Variants in GALNT10 observed in about 807,000 individuals in gnomAD.
GALNT10 encodes polypeptide N-acetylgalactosaminyltransferase 10, also known as GalNAc transferase 10.
GALNT10 carries 41 observed loss-of-function variants against 75.0 expected under a neutral mutation model. That is an observed-to-expected ratio of 0.55 (90% CI 0.43 to 0.71). The LOEUF is 0.71. Among genes scored for constraint, GALNT10 ranks in the 30% least tolerant of loss-of-function variants. The probability of loss-of-function intolerance (pLI) is 0.00; values close to 1 mark genes in which losing one functional copy is unlikely to be tolerated. For synonymous variants in GALNT10, 302 were observed against 313.0 expected, an observed-to-expected ratio of 0.96 and a Z score of 0.37; for missense variants, 727 against 818.5, an observed-to-expected ratio of 0.89 and a Z score of 1.36.
rs1451472348 is a variant in GALNT10 at position 154,191,009 on chromosome 5, C to A, written c.143C>A (p.Ala48Glu). 4 of 1,468,876 alleles carry A rather than the reference C, an allele frequency of 2.7e-6. No individual in the cohort carries two copies. Among genetic ancestry groups the A allele is most frequent in the East Asian group, 5.4e-5 (2 of 36,892 alleles). The allele number at this position is 1,468,876 out of a possible 1,614,324, so 91.0% of individuals were successfully genotyped here. A position where few individuals can be genotyped will look rare whatever the true frequency, so the allele number is the denominator to read the frequency against. The change falls in exon 1 of 12, where the codon GCG becomes GAG. Residue 48 changes from alanine to glutamate, a missense_variant. Physicochemically the swap from Ala to Glu is moderately radical, Grantham distance 107 (BLOSUM62 -1). Transcript: ENST00000297107. ...GTPGGSGAAV[A>E]PAAGQGSHSR... Reference sequence around the variant, plus strand: ...CCTGGGGGATCGGGGGCGGCGGTGGCGCCGGCGGCGGGACAGGTGAGTCCC... The same window carrying A: ...CCTGGGGGATCGGGGGCGGCGGTGGAGCCGGCGGCGGGACAGGTGAGTCCC...
At chr5:154,328,694 C>G (rs1754796886) in intron 3 of GALNT10, among the ~76,000 whole-genome samples, 1 of 152,196 alleles carries the variant, frequency 6.6e-6, no homozygotes, top group African/African-American at 2.4e-5. Flanking sequence ...ATGCCATTTG[C>G]AAATCCAGAC....
intron 3 of GALNT10, among the ~76,000 whole-genome samples, chr5:154,325,628 A>C (rs1754745260): frequency 7.0e-6 from 1 of 142,640 alleles, no homozygotes; most frequent in African/African-American, 3.0e-5. Context: ...ATCTCAGTAG[A>C]TGCAAAAAAA....
intron 1 of GALNT10, among the ~76,000 whole-genome samples, chr5:154,213,053 T>C (rs1752795159): frequency 6.6e-6 from 1 of 152,092 alleles, no homozygotes; most frequent in South Asian, 2.1e-4. Context: ...TTTGAGCAGG[T>C]GACTTTAACC....
chr5:154,297,472 T>G (rs1357420510), intron 2 of GALNT10, among the ~76,000 whole-genome samples: 2 of 152,232 alleles, frequency 1.3e-5, no homozygotes, highest in Admixed American at 1.3e-4. Context: ...CTCATTTGAC[T>G]CTTTCAAGTG....
intron 3 of GALNT10, among the ~76,000 whole-genome samples, chr5:154,300,725 CA>C (rs1754345722): frequency 1.3e-5 from 2 of 152,162 alleles, no homozygotes; most frequent in African/African-American, 4.8e-5. Context: ...CACTCTTCTG[CA>C]AGGGGTGGGG....
intron 1 of GALNT10, among the ~76,000 whole-genome samples, chr5:154,197,440 G>C (rs1323338169): frequency 2.0e-5 from 3 of 152,144 alleles, no homozygotes; most frequent in African/African-American, 7.2e-5. Context: ...GCTTGCTGTG[G>C]TGGGTGGGTG....
intron 5 of GALNT10, among the ~76,000 whole-genome samples, chr5:154,378,474 G>A (rs1755689861): frequency 6.6e-6 from 1 of 152,214 alleles, no homozygotes; most frequent in African/African-American, 2.4e-5. Context: ...GAGGCACAGA[G>A]TGAGGGAGAT....
At chr5:154,358,268 A>G (rs529013298) in intron 4 of GALNT10, among the ~76,000 whole-genome samples, 46 of 152,198 alleles carry the variant, frequency 3.0e-4, no homozygotes, top group African/African-American at 8.7e-4. Flanking sequence ...AGTAAATGCA[A>G]ATTGGGAAAG....
At chr5:154,283,747 C>A (rs1038930532) in intron 1 of GALNT10, among the ~76,000 whole-genome samples, 76 of 152,328 alleles carry the variant, frequency 5.0e-4, no homozygotes, top group African/African-American at 1.8e-3. Context: ...CCCTCTCCCC[C>A]TCTTGGGGGA....
At chr5:154,405,185 T>C (rs73285221) in intron 8 of GALNT10, among the ~76,000 whole-genome samples, 18,145 of 152,142 alleles carry the variant, frequency 0.12, 2,493 homozygotes, top group African/African-American at 0.33. Context: ...TCCAGGGCGC[T>C]GCCTCCTCCT....
rs1484433826 is a variant in GALNT10 at position 154,256,366 on chromosome 5, T to TA, written c.160-38448dup. Reference sequence around the variant, plus strand: ...GCTGTTGTTTTTGTTTTTTTTTTTTTAATATTGTGTGTGGTCCCTTATAGA... The same window carrying TA: ...GCTGTTGTTTTTGTTTTTTTTTTTTTAAATATTGTGTGTGGTCCCTTATAGA... On this transcript the variant is annotated intron_variant, in intron 1 of 11. Transcript: ENST00000297107. 1.7e-3 allele frequency among the ~76,000 whole-genome samples: 255 copies of TA among 150,890 alleles called. 8 individuals carry two copies. In the South Asian group the frequency reaches 0.048, roughly 29 times the overall value.
intron 4 of GALNT10, among the ~76,000 whole-genome samples, chr5:154,341,339 G>A (rs1006556857): frequency 6.6e-6 from 1 of 152,144 alleles, no homozygotes; most frequent in Non-Finnish European, 1.5e-5. Flanking sequence ...TTATTTATAA[G>A]CAACCAGGAA....
At chr5:154,275,319 G>A (rs80107723) in intron 1 of GALNT10, among the ~76,000 whole-genome samples, 11,983 of 152,206 alleles carry the variant, frequency 0.079, 624 homozygotes, top group Non-Finnish European at 0.11. Flanking sequence ...GATAGATAGG[G>A]GAATTGAGGA....
chr5:154,222,819 T>A (rs1561633443), intron 1 of GALNT10, among the ~76,000 whole-genome samples: 2 of 152,226 alleles, frequency 1.3e-5, no homozygotes, highest in African/African-American at 4.8e-5. Context: ...GTTTTAAGAA[T>A]GTTTTATGTA....
intron 4 of GALNT10, among the ~76,000 whole-genome samples, chr5:154,335,384 C>T (rs933262491): frequency 1.4e-4 from 21 of 152,062 alleles, no homozygotes; most frequent in Non-Finnish European, 4.4e-5. Flanking sequence ...TGGTGAAAGT[C>T]CAGGCAATGT....
intron 1 of GALNT10, among the ~76,000 whole-genome samples, chr5:154,264,177 G>A (rs1753744066): frequency 6.6e-6 from 1 of 152,034 alleles, no homozygotes; most frequent in Non-Finnish European, 1.5e-5. Flanking sequence ...GCCAGACGCA[G>A]TGGTGCATGC....
At chr5:154,215,273 G>C (rs948192400) in intron 1 of GALNT10, among the ~76,000 whole-genome samples, 2 of 152,108 alleles carry the variant, frequency 1.3e-5, no homozygotes, top group African/African-American at 4.8e-5. Context: ...ACGAAGTCAA[G>C]AGATTGAGAC....
intron 4 of GALNT10, among the ~76,000 whole-genome samples, chr5:154,362,367 G>A (rs371441284): frequency 1.2e-4 from 18 of 152,268 alleles, no homozygotes; most frequent in African/African-American, 4.3e-4. Context: ...CCACATTGTG[G>A]AGTTCTCTCG....
chr5:154,413,799 C>T (rs1756449184), intron 10 of GALNT10, among the ~76,000 whole-genome samples: 1 of 152,096 alleles, frequency 6.6e-6, no homozygotes, highest in African/African-American at 2.4e-5. Flanking sequence ...ACAACAAAAA[C>T]ACAATCCATA....
Sources: allele counts gnomAD v4.1 joint callset (sites outside exome capture counted in the v4.1 genomes callset), GRCh38; gene constraint gnomAD v4.1.1; transcripts MANE v1.5; gene names NCBI Gene and HGNC (gene_info 2026-07-23, HGNC 2026-07-21).